The following ARHGAP8 variants were observed in gnomAD, a reference collection of about 807,000 sequenced individuals.
The protein encoded by ARHGAP8 is Rho GTPase activating protein 8, also known as rho GTPase-activating protein 8.
ARHGAP8 carries 62 observed loss-of-function variants against 46.1 expected under a neutral mutation model. The ratio of observed to expected loss-of-function variants is 1.34; its 90% CI spans 1.10 to 1.66. ARHGAP8 has a LOEUF of 1.66. Ranked by LOEUF, ARHGAP8 falls within the 40% of genes most tolerant of loss-of-function variation. The pLI, the probability that ARHGAP8 is intolerant of heterozygous loss-of-function variation, is 0.00. For missense variants in ARHGAP8, 923 were observed against 568.4 expected (o/e 1.62, Z -6.34); for synonymous variants, 375 against 243.1 (o/e 1.54, Z -5.05).
At chr22:44,844,637 A>G (rs572618518) in intron 7 of ARHGAP8, among the ~76,000 whole-genome samples, 61 of 151,946 alleles carry the variant, frequency 4.0e-4, no homozygotes, top group African/African-American at 1.4e-3. Context: ...TAATTTTTGT[A>G]TTTTTAGTAG....
Position 44,862,374 on chromosome 22 carries a change from A to C in ARHGAP8, c.1081A>C (p.Ser361Arg), listed in dbSNP as rs1257743476. ...IWPSQGVSSL[S>R]ALVPLNMFTE... Reference sequence around the variant, plus strand: ...GCCATCCCAGGGGGTCTCCTCCCTGAGTGCCCTTGTGCCCCTGAACATGTT... The same window carrying C: ...GCCATCCCAGGGGGTCTCCTCCCTGCGTGCCCTTGTGCCCCTGAACATGTT... The change falls in exon 12 of 12, where the codon AGT becomes CGT. Residue 361 changes from serine to arginine, a missense_variant. Physicochemically the swap from Ser to Arg is moderately radical, Grantham distance 110 (BLOSUM62 -1). Coordinates refer to ENST00000356099, the MANE Select transcript of ARHGAP8 (RefSeq NM_181335.3). 2.7e-5 allele frequency: 44 copies of C among 1,614,120 alleles called. No homozygotes were observed. The highest frequency in any genetic ancestry group is 8.9e-5 in the East Asian group (4 of 44,880).
chr22:44,849,071 G>T lies in ARHGAP8; in HGVS notation c.877+11G>T, dbSNP rs753181018. On this transcript the variant is annotated intron_variant, in intron 10 of 11. Transcript: ENST00000356099. The stretch of plus-strand genomic sequence containing the variant: ...TTCTCGGGATCACCTGTGCGTAGCT[G>T]CCCTGGCGCAGGGGTGGGGGGCTTG... The T allele has an allele frequency of 5.6e-6, 9 of 1,613,498 alleles. No individual in the cohort carries two copies. The South Asian group carries it at 8.8e-5, about 16-fold the overall frequency.
intron 3 of ARHGAP8, among the ~76,000 whole-genome samples, chr22:44,804,365 G>A (rs73889792): frequency 0.046 from 6,956 of 151,956 alleles, 226 homozygotes; most frequent in African/African-American, 0.091. Flanking sequence ...CACCTCTGCT[G>A]GAATCCCTGT....
chr22:44,828,653 A>G (rs1377111222), intron 7 of ARHGAP8, among the ~76,000 whole-genome samples: 1 of 151,676 alleles, frequency 6.6e-6, no homozygotes, highest in Non-Finnish European at 1.5e-5. Flanking sequence ...GGGTTTCACC[A>G]TGTTGGCCAG....
In ARHGAP8 at chr22:44,815,831, G is replaced by A. The variant is rs1929699408; in HGVS notation, c.386+1073G>A. ...GCTGTATGCATCAGGCACAAACTGT[G>A]TGCACAGAGCCACATGACGGGGGTG... On this transcript the variant is annotated intron_variant, in intron 5 of 11. Transcript: ENST00000356099. Among the ~76,000 whole-genome samples the A allele has an allele frequency of 3.3e-5, 5 of 151,592 alleles. No homozygotes were observed. The South Asian group carries it at 1.1e-3, about 32-fold the overall frequency.
At chr22:44,789,764 G>A (rs777185480) in intron 2 of ARHGAP8, among the ~76,000 whole-genome samples, 4 of 152,190 alleles carry the variant, frequency 2.6e-5, no homozygotes, top group Admixed American at 2.6e-4. Flanking sequence ...GCCTCCCAAA[G>A]TGCTGGGATT....
At chr22:44,857,264 C>T (rs955993174) in intron 10 of ARHGAP8, among the ~76,000 whole-genome samples, 1 of 152,042 alleles carries the variant, frequency 6.6e-6, no homozygotes, top group African/African-American at 2.4e-5. Context: ...TTTCTTTTGG[C>T]CGGCTCTACC....
chr22:44,821,428 C>CG (rs66613335), intron 5 of ARHGAP8, among the ~76,000 whole-genome samples: 106 of 9,532 alleles, frequency 0.011, no homozygotes, highest in African/African-American at 0.013. Flanking sequence ...GACTCCATCT[C>CG]GAAAAAAAAA....
intron 7 of ARHGAP8, among the ~76,000 whole-genome samples, chr22:44,830,047 G>A (rs1323287294): frequency 6.9e-6 from 1 of 145,964 alleles, no homozygotes; most frequent in African/African-American, 2.6e-5. Context: ...TCCCTGAGAT[G>A]GCGTCTCACT....
intron 7 of ARHGAP8, among the ~76,000 whole-genome samples, chr22:44,842,778 G>A (rs916919659): frequency 3.3e-5 from 5 of 152,156 alleles, no homozygotes; most frequent in Admixed American, 1.3e-4. Flanking sequence ...CCTGGGGGAC[G>A]CCAGGAGCTC....
At chr22:44,859,708 C>T (rs371332267) in intron 10 of ARHGAP8, 23 bp from the exon 11 acceptor site, 35 of 1,610,704 alleles carry the variant, frequency 2.2e-5, no homozygotes, top group African/African-American at 5.3e-5. Context: ...TGGAGCTCAG[C>T]AGGGAGCCCC....
In ARHGAP8 at chr22:44,799,528, C is replaced by T. The variant is rs372278434; in HGVS notation, c.80-2549C>T. ...AAGAACTGAAGGAAGGCTGCTGGGC[C>T]AGGTCCTCGGGGGCAGAGGTAGGGG... On this transcript the variant is annotated intron_variant, in intron 2 of 11. Transcript: ENST00000356099. 1.1e-4 allele frequency among the ~76,000 whole-genome samples: 17 copies of T among 152,198 alleles called. No individual in the cohort carries two copies. The East Asian group carries it at 1.5e-3, about 14-fold the overall frequency.
intron 1 of ARHGAP8, among the ~76,000 whole-genome samples, chr22:44,764,166 C>T (rs1925372170): frequency 1.3e-5 from 2 of 152,056 alleles, no homozygotes; most frequent in South Asian, 4.1e-4. Flanking sequence ...AAACAACTCC[C>T]GAAGAGTCAG....
At chr22:44,854,474 C>G (rs1271917067) in intron 10 of ARHGAP8, among the ~76,000 whole-genome samples, 2 of 151,964 alleles carry the variant, frequency 1.3e-5, no homozygotes, top group African/African-American at 4.8e-5. Context: ...CTCAAATGAT[C>G]CACCCACCTC....
At chr22:44,851,125 G>A (rs537976557) in intron 10 of ARHGAP8, among the ~76,000 whole-genome samples, 1 of 152,226 alleles carries the variant, frequency 6.6e-6, no homozygotes, top group Admixed American at 6.5e-5. Context: ...GGGGAGGGAA[G>A]GACCCAGCTC....
intron 2 of ARHGAP8, among the ~76,000 whole-genome samples, chr22:44,797,807 T>C (rs1928200240): frequency 6.6e-6 from 1 of 151,510 alleles, no homozygotes; most frequent in Admixed American, 6.6e-5. Context: ...TGCACGCAAG[T>C]GTGTAATTTT....
chr22:44,842,092 C>G (rs1931688763), intron 7 of ARHGAP8, among the ~76,000 whole-genome samples: 1 of 152,230 alleles, frequency 6.6e-6, no homozygotes, highest in African/African-American at 2.4e-5. Context: ...AGCGCAGTGG[C>G]TCATGCCTAT....
chr22:44,770,794 C>G (rs1389977128), intron 1 of ARHGAP8, among the ~76,000 whole-genome samples: 1 of 152,218 alleles, frequency 6.6e-6, no homozygotes, highest in Non-Finnish European at 1.5e-5. Flanking sequence ...TGGCTGGTGA[C>G]TACACCTAGG....
chr22:44,822,601 C>T (rs1230012299), intron 6 of ARHGAP8, 132 bp downstream of exon 6: 9 of 775,622 alleles, frequency 1.2e-5, no homozygotes, highest in Admixed American at 4.2e-5. Flanking sequence ...CAGAAATCTG[C>T]GGCATCGACA....
Sources: gnomAD v4.1 joint callset for allele counts (sites outside exome capture counted in the v4.1 genomes callset) on GRCh38, gnomAD v4.1.1 for gene constraint, MANE v1.5 for transcripts, NCBI Gene and HGNC (gene_info 2026-07-23, HGNC 2026-07-21) for gene names.